The following SLC25A28 variants were observed in gnomAD, a reference collection of about 807,000 sequenced individuals.
The protein encoded by SLC25A28 is mitoferrin-2.
A neutral mutation model predicts 31.9 loss-of-function variants in SLC25A28; 10 were observed. The ratio of observed to expected loss-of-function variants is 0.31; its 90% CI spans 0.19 to 0.53. The LOEUF (loss-of-function observed/expected upper bound fraction) is 0.53, where lower values mean the gene tolerates loss of function less well. Among genes scored for constraint, SLC25A28 ranks in the 20% least tolerant of loss-of-function variants. SLC25A28 has a pLI of 0.95. For synonymous variants in SLC25A28, 208 were observed against 203.6 expected, an observed-to-expected ratio of 1.02 and a Z score of -0.19; for missense variants, 256 against 490.3, an observed-to-expected ratio of 0.52 and a Z score of 4.51.
the SLC25A28 span, among the ~76,000 whole-genome samples, chr10:99,646,954 T>C: frequency 2.0e-5 from 3 of 152,224 alleles, no homozygotes; most frequent in Non-Finnish European, 2.9e-5. Context: ...TCACTTAGGA[T>C]AGTGGCTTCA....
chr10:99,613,518 G>C lies in SLC25A28; in HGVS notation c.520+178C>G. The C allele has an allele frequency of 6.9e-7, 1 of 1,454,632 alleles. No homozygotes were observed. Among genetic ancestry groups the C allele is most frequent in the Non-Finnish European group, 9.0e-7 (1 of 1,108,742 alleles). The allele number at this position is 1,454,632 out of a possible 1,614,324, so 90.1% of individuals were successfully genotyped here. A position where few individuals can be genotyped will look rare whatever the true frequency, so the allele number is the denominator to read the frequency against. ...TTGTTGAGGTGCCCCAAAGGAAAAG[G>C]CAGGGTTGAAGCGGCCCGTTGTCTG... On this transcript the variant is annotated intron_variant, in intron 2 of 3. Transcript: ENST00000370495. This position sits in a 1 kb window ranked among gnomAD's most constrained non-coding sequence, Gnocchi z 4.9.
the SLC25A28 span, among the ~76,000 whole-genome samples, chr10:99,642,405 G>C: frequency 6.6e-6 from 1 of 152,088 alleles, no homozygotes; most frequent in African/African-American, 2.4e-5. Context: ...TGTGATTTTT[G>C]CACATTGATT....
the SLC25A28 span, among the ~76,000 whole-genome samples, chr10:99,644,036 T>C: frequency 2.0e-5 from 3 of 152,258 alleles, no homozygotes; most frequent in South Asian, 4.1e-4. Flanking sequence ...GAAGAATGTA[T>C]ATTCTGTTGA....
rs771284143 is a variant in SLC25A28 at position 99,613,814 on chromosome 10, C to T, written c.402G>A (p.Leu134=). 1 of 1,614,254 alleles carries T rather than the reference C, an allele frequency of 6.2e-7. No homozygotes were observed. The highest frequency in any genetic ancestry group is 8.5e-7 in the Non-Finnish European group (1 of 1,180,046). Residue 134 remains leucine, a synonymous_variant, in exon 2 of 4, where the codon CTG becomes CTA. Coordinates refer to ENST00000370495, the MANE Select transcript of SLC25A28 (RefSeq NM_031212.4). This position sits in a 1 kb window ranked among gnomAD's most constrained non-coding sequence, Gnocchi z 4.9. ...TEGLWRPMRG[L]NVTATGAGPA... ...GCCCTGCGCCTGTTGCTGTGACGTT[C>T]AGCCCCCTCATGGGCCTCCATAGGC...
the SLC25A28 span, chr10:99,652,035 C>T: frequency 6.6e-6 from 1 of 152,222 alleles, no homozygotes; most frequent in African/African-American, 2.4e-5. Flanking sequence ...TTAGCTCTTA[C>T]ATCCAGGACT....
At chr10:99,648,992 A>C in the SLC25A28 span, among the ~76,000 whole-genome samples, 1 of 152,104 alleles carries the variant, frequency 6.6e-6, no homozygotes, top group Non-Finnish European at 1.5e-5. Context: ...TTCCAGTACT[A>C]AGTTGAATAA....
In SLC25A28 at chr10:99,610,668, A is replaced by G; in HGVS notation, c.*181T>C. On this transcript the variant is annotated 3_prime_UTR_variant, in exon 4 of 4. Transcript: ENST00000370495. ...TTGCTGCACGTGCTTAGGGCCTGGA[A>G]GGAAAGGTGGTGGCAACAGAGGTTG... 1.5e-6 allele frequency: 1 copy of G among 680,476 alleles called. No homozygotes were observed. Among genetic ancestry groups the G allele is most frequent in the Non-Finnish European group, 2.4e-6 (1 of 408,456 alleles). 42.2% of individuals were successfully genotyped at this position (680,476 alleles called of 1,614,324 possible).
At chr10:99,644,188 T>A in the SLC25A28 span, among the ~76,000 whole-genome samples, 1 of 152,198 alleles carries the variant, frequency 6.6e-6, no homozygotes, top group African/African-American at 2.4e-5. Flanking sequence ...CCATTATTAT[T>A]GTGTGGGAGT....
chr10:99,636,005 C>T, the SLC25A28 span, among the ~76,000 whole-genome samples: 1 of 152,164 alleles, frequency 6.6e-6, no homozygotes, highest in Non-Finnish European at 1.5e-5. Context: ...ATGAGATAGA[C>T]ACCAGCACAA....
At chr10:99,635,973 C>T in the SLC25A28 span, among the ~76,000 whole-genome samples, 3 of 152,010 alleles carry the variant, frequency 2.0e-5, no homozygotes, top group Non-Finnish European at 2.9e-5. Context: ...ATTTATAAAG[C>T]GATTACTAAT....
At chr10:99,627,956 G>A in the SLC25A28 span, among the ~76,000 whole-genome samples, 1 of 151,934 alleles carries the variant, frequency 6.6e-6, no homozygotes, top group Non-Finnish European at 1.5e-5. Context: ...TTTGATTTTT[G>A]ATCCCACAAA....
At chr10:99,631,883 T>TA in the SLC25A28 span, among the ~76,000 whole-genome samples, 1 of 95,180 alleles carries the variant, frequency 1.1e-5, no homozygotes, top group South Asian at 4.2e-4. Context: ...ATGTTATTTT[T>TA]TTTTTTTATT....
At chr10:99,612,031 A>G (rs1048856167) in intron 3 of SLC25A28, among the ~76,000 whole-genome samples, 5 of 152,210 alleles carry the variant, frequency 3.3e-5, no homozygotes, top group African/African-American at 1.2e-4. Context: ...TCATCCTCAC[A>G]TGGAGAATGT....
At chr10:99,642,410 T>C in the SLC25A28 span, among the ~76,000 whole-genome samples, 6 of 152,196 alleles carry the variant, frequency 3.9e-5, no homozygotes, top group East Asian at 1.9e-4. Context: ...TTTTTGCACA[T>C]TGATTTTGTA....
intron 2 of SLC25A28, 74 bp from the exon 3 acceptor site, chr10:99,612,673 G>GTT: frequency 1.3e-6 from 2 of 1,532,540 alleles, no homozygotes; most frequent in Non-Finnish European, 1.8e-6. Flanking sequence ...CCCAGTGAAG[G>GTT]GGAGTGGCTG....
At chr10:99,618,881 T>G (rs1410618722) in intron 1 of SLC25A28, 6 of 985,306 alleles carry the variant, frequency 6.1e-6, no homozygotes, top group Non-Finnish European at 7.2e-6. Flanking sequence ...CTCTCCTCCT[T>G]TTGAATACAT....
rs2034525038 is a variant in SLC25A28 at position 99,611,555 on chromosome 10, G to A, written c.578-189C>T. Among the ~76,000 whole-genome samples, 1 of 152,028 alleles carries A rather than the reference G, an allele frequency of 6.6e-6. No homozygotes were observed. The highest frequency in any genetic ancestry group is 6.6e-5 in the Admixed American group (1 of 15,258). ...GAGGGGAAGGAGTAAGCAGAGGGTT[G>A]GTAACGAGTCAAAAAACAATAAACC... On this transcript the variant is annotated intron_variant, in intron 3 of 3. Transcript: ENST00000370495. The surrounding 1 kb of genome is among the most constrained non-coding windows in gnomAD (Gnocchi z 5.5).
At chr10:99,616,013 C>T in intron 1 of SLC25A28, 1 of 985,424 alleles carries the variant, frequency 1.0e-6, no homozygotes, top group South Asian at 4.7e-5. Context: ...GATAAAAGTA[C>T]ACCCTTATGG....
At chr10:99,631,966 G>C in the SLC25A28 span, among the ~76,000 whole-genome samples, 85 of 121,670 alleles carry the variant, frequency 7.0e-4, 1 homozygote, top group Non-Finnish European at 2.6e-4. Context: ...GCGCAATCTC[G>C]GCTCACTGCA....
Sources: gnomAD v4.1 joint callset for allele counts (sites outside exome capture counted in the v4.1 genomes callset) on GRCh38, gnomAD v4.1.1 for gene constraint, Gnocchi (gnomAD v3.1) non-coding constraint, MANE v1.5 for transcripts, NCBI Gene and HGNC (gene_info 2026-07-23, HGNC 2026-07-21) for gene names.